Variants in BST1 observed in about 807,000 individuals in gnomAD.
BST1 encodes the protein ADP-ribosyl cyclase/cyclic ADP-ribose hydrolase 2.
A neutral mutation model predicts 40.6 loss-of-function variants in BST1; 49 were observed. That is an observed-to-expected ratio of 1.21 (90% CI 0.96 to 1.53). The LOEUF (loss-of-function observed/expected upper bound fraction) is 1.53, where lower values mean the gene tolerates loss of function less well. Ranked by LOEUF, BST1 falls within the 40% of genes most tolerant of loss-of-function variation. The probability of loss-of-function intolerance (pLI) is 0.00; values close to 1 mark genes in which losing one functional copy is unlikely to be tolerated. For missense variants in BST1, 423 were observed against 395.9 expected, an observed-to-expected ratio of 1.07 and a Z score of -0.58; for synonymous variants, 157 against 159.3, an observed-to-expected ratio of 0.99 and a Z score of 0.11.
At chr4:15,767,207 C>T in the BST1 span, among the ~76,000 whole-genome samples, 2 of 150,160 alleles carry the variant, frequency 1.3e-5, 1 homozygote, top group African/African-American at 5.1e-5. Flanking sequence ...AGACGTGGCA[C>T]ACAGAAAGCC....
At chr4:15,737,873 C>T (rs922410611) in exon 7 of BST1, 61 of 1,220,614 alleles carry the variant, frequency 5.0e-5, no homozygotes, top group South Asian at 1.6e-4. Flanking sequence ...GCAAGGAAGC[C>T]GAAATCTCCA....
At chr4:15,739,729 G>A (rs1721693384), downstream of BST1, among the ~76,000 whole-genome samples, 1 of 152,152 alleles carries the variant, frequency 6.6e-6, no homozygotes, top group African/African-American at 2.4e-5. Context: ...TTAACATACA[G>A]TGACAAGCTC....
the BST1 span, chr4:15,743,542 AG>A: frequency 2.8e-6 from 1 of 359,390 alleles, no homozygotes; most frequent in South Asian, 2.3e-5. Flanking sequence ...AAGGAAGCTG[AG>A]GGCAACATCT....
At chr4:15,741,009 A>G (rs1320216626), downstream of BST1, among the ~76,000 whole-genome samples, 3 of 152,040 alleles carry the variant, frequency 2.0e-5, no homozygotes, top group East Asian at 5.9e-4. Context: ...CAGAGGTTGC[A>G]TATATTTACT....
chr4:15,723,077 A>G, intron 8 of BST1, 143 bp downstream of exon 8: 1 of 720,658 alleles, frequency 1.4e-6, no homozygotes, highest in Non-Finnish European at 2.3e-6. Context: ...ATTTTTATTT[A>G]TATGTATCTG....
the BST1 span, among the ~76,000 whole-genome samples, chr4:15,744,341 C>T: frequency 4.6e-5 from 7 of 152,032 alleles, no homozygotes; most frequent in African/African-American, 1.2e-4. Flanking sequence ...TTACAAATCA[C>T]GGTGGAAGGC....
At chr4:15,736,031 A>T (rs1224456561), downstream of BST1, 1 of 1,259,672 alleles carries the variant, frequency 7.9e-7, no homozygotes, top group Non-Finnish European at 1.0e-6. Flanking sequence ...ATGTGTTTTT[A>T]TGCACATATT....
Position 15,703,280 on chromosome 4 carries a change from A to T in BST1, c.136A>T (p.Ile46Phe), listed in dbSNP as rs551222169. Residue 46 changes from isoleucine (I) to phenylalanine (F), a missense_variant, in exon 1 of 9, where the codon ATC becomes TTC. Transcript: ENST00000265016. ...GGGCACCAGCGCACACTTGCGGGAC[A>T]TCTTCCTGGGCCGCTGCGCCGAGTA... The part of the protein sequence containing the change: ...GEGTSAHLRD[I>F]FLGRCAEYRA... 6.5e-7 allele frequency: 1 copy of T among 1,536,304 alleles called. No homozygotes were observed. The highest frequency in any genetic ancestry group is 1.4e-5 in the African/African-American group (1 of 72,536).
At chr4:15,713,829 G>T (rs188831694) in intron 4 of BST1, among the ~76,000 whole-genome samples, 2 of 151,582 alleles carry the variant, frequency 1.3e-5, no homozygotes, top group African/African-American at 2.4e-5. Context: ...TCAGCCTCCC[G>T]AGTAGCTGGG....
the BST1 span, among the ~76,000 whole-genome samples, chr4:15,748,678 G>T: frequency 6.6e-6 from 1 of 152,160 alleles, no homozygotes; most frequent in South Asian, 2.1e-4. Context: ...GGGGTGAGGG[G>T]CTCCTTCAAT....
At chr4:15,753,385 G>T in the BST1 span, among the ~76,000 whole-genome samples, 1 of 152,280 alleles carries the variant, frequency 6.6e-6, no homozygotes, top group African/African-American at 2.4e-5. Context: ...GGTATCCATC[G>T]TATCTGTAGC....
At chr4:15,753,737 C>T in the BST1 span, among the ~76,000 whole-genome samples, 1 of 152,222 alleles carries the variant, frequency 6.6e-6, no homozygotes, top group Admixed American at 6.5e-5. Flanking sequence ...CCCATCCAGA[C>T]ACACAGATAG....
the BST1 span, among the ~76,000 whole-genome samples, chr4:15,767,188 T>C: frequency 4.6e-5 from 7 of 152,152 alleles, no homozygotes; most frequent in African/African-American, 1.7e-4. Context: ...AAAATGGATA[T>C]GCCCGAACAG....
the BST1 span, among the ~76,000 whole-genome samples, chr4:15,771,678 G>C: frequency 7.9e-5 from 12 of 152,182 alleles, no homozygotes; most frequent in Non-Finnish European, 1.8e-4. Context: ...AGGGCCAACT[G>C]GTACCAGCCT....
At chr4:15,713,139 G>A (rs73224660) in intron 4 of BST1, among the ~76,000 whole-genome samples, 22,312 of 151,722 alleles carry the variant, frequency 0.15, 1,675 homozygotes, top group East Asian at 0.24. Context: ...GTGATGGGAA[G>A]CAGATTTGAA....
At chr4:15,766,786 C>CCA in the BST1 span, among the ~76,000 whole-genome samples, 1 of 58,088 alleles carries the variant, frequency 1.7e-5, no homozygotes, top group South Asian at 7.0e-4. Context: ...AAAGACCTCC[C>CCA]TAAAAAAAAA....
intron 8 of BST1, among the ~76,000 whole-genome samples, chr4:15,730,070 A>T (rs1042803843): frequency 2.0e-5 from 3 of 152,240 alleles, no homozygotes; most frequent in Non-Finnish European, 4.4e-5. Flanking sequence ...AGTCTGGGAC[A>T]TTAACTGCAT....
At chr4:15,729,378 C>G (rs1214784404) in intron 8 of BST1, among the ~76,000 whole-genome samples, 1 of 152,088 alleles carries the variant, frequency 6.6e-6, no homozygotes, top group Non-Finnish European at 1.5e-5. Flanking sequence ...ATTCTCTAAA[C>G]CCGGGAAGGT....
the BST1 span, among the ~76,000 whole-genome samples, chr4:15,767,205 C>T: frequency 6.7e-6 from 1 of 150,164 alleles, no homozygotes; most frequent in Middle Eastern, 3.2e-3. Context: ...ACAGACGTGG[C>T]ACACAGAAAG....
Sources: gnomAD v4.1 joint callset for allele counts (sites outside exome capture counted in the v4.1 genomes callset) on GRCh38, gnomAD v4.1.1 for gene constraint, MANE v1.5 for transcripts, NCBI Gene and HGNC (gene_info 2026-07-23, HGNC 2026-07-21) for gene names.